Variants in SHROOM3 observed in about 807,000 individuals in gnomAD.
SHROOM3 encodes protein Shroom3.
A neutral mutation model predicts 138.6 loss-of-function variants in SHROOM3; 47 were observed. The ratio of observed to expected loss-of-function variants is 0.34; its 90% confidence interval spans 0.27 to 0.43. The LOEUF is 0.43. Among genes scored for constraint, SHROOM3 ranks in the 20% least tolerant of loss-of-function variants. The pLI, the probability that SHROOM3 is intolerant of heterozygous loss-of-function variation, is 1.00. For missense variants in SHROOM3, 2,491 were observed against 2,596.5 expected (o/e 0.96, Z 0.88); for synonymous variants, 1,062 against 1,063.3 (o/e 1.00, Z 0.02).
chr4:76,594,546 T>C (rs1734342742), intron 2 of SHROOM3, among the ~76,000 whole-genome samples: 1 of 152,164 alleles, frequency 6.6e-6, no homozygotes, highest in Non-Finnish European at 1.5e-5. Context: ...AAATTAGAGG[T>C]GAGGACATCA....
intron 1 of SHROOM3, among the ~76,000 whole-genome samples, chr4:76,534,583 TA>T: frequency 6.6e-6 from 1 of 152,252 alleles, no homozygotes; most frequent in Admixed American, 6.5e-5. Context: ...GAAGAAATAA[TA>T]AGTTACCAGA....
At chr4:76,492,538 C>T (rs1731874777) in intron 1 of SHROOM3, among the ~76,000 whole-genome samples, 1 of 152,090 alleles carries the variant, frequency 6.6e-6, no homozygotes, top group African/African-American at 2.4e-5. Context: ...CATCTGATTC[C>T]TGAAGCTTGG....
At chr4:76,447,497 G>A (rs1260699358) in intron 1 of SHROOM3, among the ~76,000 whole-genome samples, 2 of 152,152 alleles carry the variant, frequency 1.3e-5, no homozygotes, top group Admixed American at 1.3e-4. Context: ...TCAGACCCAG[G>A]ATCTGGCTGC....
rs751394463 is a variant in SHROOM3, at chr4:76,741,782, T to G, written c.3609T>G (p.Asp1203Glu). ...GAACAAGGGGCACCCAGAGAGGGGA[T>G]GAGACCCCCAGGGAGCCATCCTCCT... is the stretch of plus-strand genomic sequence containing the variant. ...NGGTRGTQRG[D>E]ETPREPSSWG... is the part of the protein sequence containing the mutation. Residue 1203 changes from aspartate (D) to glutamate (E), a missense_variant, in exon 5 of 11, where the codon GAT becomes GAG. This residue lies in a region of SHROOM3 where 1,733 missense variants were observed against 1,661.6 expected (regional missense o/e 1.04). Coordinates refer to ENST00000296043, the MANE Select transcript of SHROOM3 (RefSeq NM_020859.4). This position sits in a 1 kb window ranked among gnomAD's most constrained non-coding sequence, Gnocchi z 6.2. The G allele has an allele frequency of 1.0e-5, 16 of 1,576,496 alleles. No homozygotes were observed. In the South Asian group the frequency reaches 1.6e-4, roughly 16 times the overall value.
At chr4:76,606,568 T>G (rs1397549958) in intron 2 of SHROOM3, among the ~76,000 whole-genome samples, 1 of 151,798 alleles carries the variant, frequency 6.6e-6, no homozygotes, top group Non-Finnish European at 1.5e-5. Flanking sequence ...CCAGGCCTGG[T>G]GGCAGGTGCC....
At chr4:76,460,288 C>T (rs545451515) in intron 1 of SHROOM3, among the ~76,000 whole-genome samples, 1 of 152,268 alleles carries the variant, frequency 6.6e-6, no homozygotes, top group East Asian at 1.9e-4. Context: ...GCATCCTTCC[C>T]TCTTATGTAT....
chr4:76,657,984 G>A (rs908897969), intron 2 of SHROOM3, among the ~76,000 whole-genome samples: 1 of 152,182 alleles, frequency 6.6e-6, no homozygotes. Flanking sequence ...CCATTGGTTT[G>A]GGCTCCAGCA....
At chr4:76,578,394 C>T (rs1733979929) in intron 2 of SHROOM3, among the ~76,000 whole-genome samples, 1 of 152,124 alleles carries the variant, frequency 6.6e-6, no homozygotes, top group South Asian at 2.1e-4. Context: ...CATATGGTAA[C>T]CGCACAGGAG....
intron 2 of SHROOM3, among the ~76,000 whole-genome samples, chr4:76,632,817 G>C (rs1735364859): frequency 6.6e-6 from 1 of 152,104 alleles, no homozygotes; most frequent in Admixed American, 6.6e-5. Flanking sequence ...AGTTTTCATG[G>C]AGACACCTTG....
intron 2 of SHROOM3, chr4:76,639,620 A>G (rs1735604545): frequency 2.5e-6 from 1 of 397,600 alleles, no homozygotes; most frequent in African/African-American, 2.1e-5. Context: ...TGGGACCCAA[A>G]ACTCAAGAAG....
At chr4:76,608,663 T>TAGCAC (rs199824465) in intron 2 of SHROOM3, among the ~76,000 whole-genome samples, 4 of 31,384 alleles carry the variant, frequency 1.3e-4, no homozygotes, top group African/African-American at 2.3e-4. Flanking sequence ...TAGCATAGCA[T>TAGCAC]AGCACAGCAT....
At chr4:76,589,439 C>T (rs13135486) in intron 2 of SHROOM3, among the ~76,000 whole-genome samples, 15,116 of 149,100 alleles carry the variant, frequency 0.1, 826 homozygotes, top group Non-Finnish European at 0.13. Flanking sequence ...TGCACTCCAG[C>T]CTGGGTGATA....
chr4:76,770,469 G>GCTATTATGAAAGAAGT (rs1722324736), intron 9 of SHROOM3, among the ~76,000 whole-genome samples, 157 bp from the exon 10 acceptor site: 1 of 152,008 alleles, frequency 6.6e-6, no homozygotes, highest in Non-Finnish European at 1.5e-5. Flanking sequence ...GGGAAAGAAG[G>GCTATTATGAAAGAAGT]CTATTATGGC....
chr4:76,747,706 CTT>C (rs1419668627), intron 5 of SHROOM3, among the ~76,000 whole-genome samples: 2 of 152,044 alleles, frequency 1.3e-5, no homozygotes, highest in African/African-American at 2.4e-5. Context: ...TGGGAAAAGA[CTT>C]TTAAAGGACC....
At chr4:76,621,191 C>T (rs1734997759) in intron 2 of SHROOM3, among the ~76,000 whole-genome samples, 1 of 151,952 alleles carries the variant, frequency 6.6e-6, no homozygotes, top group Non-Finnish European at 1.5e-5. Context: ...AGGGCAGAGT[C>T]TCAGCACTGC....
chr4:76,647,770 C>T (rs972960756), intron 2 of SHROOM3, among the ~76,000 whole-genome samples: 1 of 152,008 alleles, frequency 6.6e-6, no homozygotes, highest in African/African-American at 2.4e-5. Context: ...GTGATGTGCA[C>T]CTGTAGTCCT....
chr4:76,517,621 G>GTA (rs60652477), intron 1 of SHROOM3, among the ~76,000 whole-genome samples: 63,099 of 146,646 alleles, frequency 0.43, 14,521 homozygotes, highest in East Asian at 0.53. Context: ...TGTTTGTTTG[G>GTA]TATATATATA....
At chr4:76,510,505 AG>A (rs1396399054) in intron 1 of SHROOM3, among the ~76,000 whole-genome samples, 1 of 152,208 alleles carries the variant, frequency 6.6e-6, no homozygotes, top group African/African-American at 2.4e-5. Flanking sequence ...GTTGCCTTAT[AG>A]GGTTACTGAA....
intron 2 of SHROOM3, among the ~76,000 whole-genome samples, chr4:76,673,467 TTTTTTGTCC>T (rs1718944007): frequency 6.6e-6 from 1 of 152,170 alleles, no homozygotes; most frequent in East Asian, 1.9e-4. Context: ...TATTTTTCTG[TTTTTTGTCC>T]TTTTTGTCTA....
Sources: gnomAD v4.1 joint callset for allele counts (sites outside exome capture counted in the v4.1 genomes callset) on GRCh38, gnomAD v4.1.1 for gene constraint, gnomAD v4.1.1 regional missense constraint, Gnocchi (gnomAD v3.1) non-coding constraint, MANE v1.5 for transcripts, NCBI Gene and HGNC (gene_info 2026-07-23, HGNC 2026-07-21) for gene names.